The following LRMDA variants were observed in gnomAD, a reference collection of about 807,000 sequenced individuals.
The protein encoded by LRMDA is leucine-rich melanocyte differentiation-associated protein.
In LRMDA, 18 loss-of-function variants were observed where a neutral mutation model predicts 29.8. The observed-to-expected ratio is 0.60, with a 90% CI of 0.42 to 0.90. The LOEUF (loss-of-function observed/expected upper bound fraction) is 0.90. LRMDA is among the 40% of genes least tolerant of loss of function. LRMDA has a pLI of 0.00. For missense variants in LRMDA, 273 were observed against 273.9 expected (o/e 1.00, Z 0.02); for synonymous variants, 125 against 109.4 (o/e 1.14, Z -0.89).
chr10:75,579,289 A>G (rs1406545218), intron 2 of LRMDA, among the ~76,000 whole-genome samples: 2 of 152,230 alleles, frequency 1.3e-5, no homozygotes, highest in Non-Finnish European at 2.9e-5. Context: ...GGATACTACA[A>G]ACACCTCTAT....
rs922129608 is a variant in LRMDA, at chr10:76,186,335, A to G, written c.516+127552A>G. Among the ~76,000 whole-genome samples, 5 of 152,378 alleles carry G rather than the reference A, an allele frequency of 3.3e-5. No individual in the cohort carries two copies. In the South Asian group the frequency reaches 8.3e-4, roughly 25 times the overall value. The stretch of plus-strand genomic sequence containing the variant: ...CTTGGTAGAAAAAGGCAGAGGGGTA[A>G]CATTAAATCAGAGCTGCAGTATGTT... On this transcript the variant is annotated intron_variant, in intron 5 of 6. Coordinates refer to ENST00000611255, the MANE Select transcript of LRMDA (RefSeq NM_001305581.2).
rs902388742 is a variant in LRMDA, at chr10:76,558,125, T to A, written c.*837T>A. On this transcript the variant is annotated 3_prime_UTR_variant, in exon 7 of 7. Transcript: ENST00000611255. ...ATGAGGGTTTGGTTGCACCAGGGAC[T>A]CTTATTTATTAATTTATTTTTAACC... is the stretch of plus-strand genomic sequence containing the variant. 7.9e-5 allele frequency: 12 copies of A among 152,210 alleles called. No homozygotes were observed. Among genetic ancestry groups the A allele is most frequent in the African/African-American group, 1.9e-4 (8 of 41,446 alleles). 9.4% of individuals were successfully genotyped at this position (152,210 alleles called of 1,614,324 possible).
chr10:76,043,111 G>A (rs1005488742), intron 3 of LRMDA, among the ~76,000 whole-genome samples: 30 of 152,038 alleles, frequency 2.0e-4, no homozygotes, highest in African/African-American at 5.8e-4. Context: ...GACAGAGTGA[G>A]ACTCTGTCTC....
intron 2 of LRMDA, among the ~76,000 whole-genome samples, chr10:75,679,087 C>G (rs1021042549): frequency 1.3e-5 from 2 of 152,150 alleles, no homozygotes; most frequent in Non-Finnish European, 2.9e-5. Flanking sequence ...AGGTTCAGTC[C>G]TTCTGAAGCA....
chr10:75,853,144 T>TAC (rs1042323383), intron 2 of LRMDA, among the ~76,000 whole-genome samples: 6 of 152,134 alleles, frequency 3.9e-5, no homozygotes, highest in Non-Finnish European at 7.4e-5. Flanking sequence ...TTATGGGAAC[T>TAC]ACAGTACAAG....
chr10:75,793,294 G>A (rs960039304), intron 2 of LRMDA, among the ~76,000 whole-genome samples: 2 of 152,142 alleles, frequency 1.3e-5, no homozygotes, highest in African/African-American at 4.8e-5. Context: ...GAAGGTGATG[G>A]TTAGTCAGAT....
intron 2 of LRMDA, among the ~76,000 whole-genome samples, chr10:75,774,231 T>G (rs111951686): frequency 2.0e-5 from 3 of 152,332 alleles, no homozygotes; most frequent in Non-Finnish European, 2.9e-5. Flanking sequence ...AGTTTAATAT[T>G]TTCAAGCATT....
chr10:76,482,544 A>G (rs1842742463), intron 6 of LRMDA, among the ~76,000 whole-genome samples: 1 of 151,892 alleles, frequency 6.6e-6, no homozygotes, highest in South Asian at 2.1e-4. Flanking sequence ...CTGATTGTCT[A>G]GTATGTGCTG....
At chr10:75,784,986 C>T (rs928533027) in intron 2 of LRMDA, among the ~76,000 whole-genome samples, 1 of 152,166 alleles carries the variant, frequency 6.6e-6, no homozygotes, top group Admixed American at 6.5e-5. Context: ...CTTCTCTAGC[C>T]AGATTCTCCA....
At chr10:75,655,306 G>A (rs532057004) in intron 2 of LRMDA, among the ~76,000 whole-genome samples, 1 of 152,328 alleles carries the variant, frequency 6.6e-6, no homozygotes, top group South Asian at 2.1e-4. Flanking sequence ...TAAGGATTTT[G>A]ACATTTCTGA....
At chr10:76,276,668 A>G (rs1840139514) in intron 5 of LRMDA, among the ~76,000 whole-genome samples, 1 of 152,194 alleles carries the variant, frequency 6.6e-6, no homozygotes, top group South Asian at 2.1e-4. Flanking sequence ...CACAAATGTG[A>G]CTAATACTTA....
At chr10:76,457,563 G>A (rs1842470034) in intron 6 of LRMDA, among the ~76,000 whole-genome samples, 1 of 152,032 alleles carries the variant, frequency 6.6e-6, no homozygotes, top group Non-Finnish European at 1.5e-5. Context: ...TTGTGCTGAA[G>A]TTCTGTATGG....
intron 2 of LRMDA, among the ~76,000 whole-genome samples, chr10:75,790,710 G>T (rs557878208): frequency 1.3e-5 from 2 of 152,344 alleles, no homozygotes; most frequent in East Asian, 3.9e-4. Flanking sequence ...CATACATTTT[G>T]TGGAGAACGT....
intron 5 of LRMDA, among the ~76,000 whole-genome samples, chr10:76,198,376 T>G (rs1396015957): frequency 6.6e-6 from 1 of 152,262 alleles, no homozygotes; most frequent in Non-Finnish European, 1.5e-5. Context: ...AGGAAGAGTC[T>G]TAGCATGTTT....
chr10:75,865,248 A>T (rs1845000285), intron 2 of LRMDA, among the ~76,000 whole-genome samples: 1 of 152,210 alleles, frequency 6.6e-6, no homozygotes. Flanking sequence ...AGAAAGCAGA[A>T]TAATAGTTTG....
chr10:76,132,126 C>T (rs1450242743), intron 5 of LRMDA, among the ~76,000 whole-genome samples: 1 of 152,102 alleles, frequency 6.6e-6, no homozygotes, highest in Non-Finnish European at 1.5e-5. Context: ...GTTAGATTTG[C>T]AAACATAAAA....
chr10:76,199,512 T>G (rs569070793), intron 5 of LRMDA, among the ~76,000 whole-genome samples: 1 of 152,322 alleles, frequency 6.6e-6, no homozygotes, highest in East Asian at 1.9e-4. Flanking sequence ...AGGCATTTAC[T>G]TGTATCCTTG....
At chr10:75,630,906 C>T (rs924646908) in intron 2 of LRMDA, among the ~76,000 whole-genome samples, 7 of 152,088 alleles carry the variant, frequency 4.6e-5, no homozygotes, top group Non-Finnish European at 1.0e-4. Flanking sequence ...TTTCCCCATC[C>T]GGAGTTTGCC....
intron 2 of LRMDA, among the ~76,000 whole-genome samples, chr10:75,833,847 G>T (rs1021129042): frequency 6.6e-6 from 1 of 152,036 alleles, no homozygotes; most frequent in East Asian, 1.9e-4. Context: ...ATTTTAAAAG[G>T]GATACAGTGA....
Sources: gnomAD v4.1 joint callset for allele counts (sites outside exome capture counted in the v4.1 genomes callset) on GRCh38, gnomAD v4.1.1 for gene constraint, MANE v1.5 for transcripts, NCBI Gene and HGNC (gene_info 2026-07-23, HGNC 2026-07-21) for gene names.